ADAM7: variants seen among roughly 807,000 people sequenced by gnomAD.
ADAM7 encodes disintegrin and metalloproteinase domain-containing protein 7.
A neutral mutation model predicts 102.9 loss-of-function variants in ADAM7; 97 were observed. The observed-to-expected ratio is 0.94, with a 90% CI of 0.80 to 1.12. ADAM7 has a LOEUF of 1.12. Ranked by LOEUF, ADAM7 falls within the 50% of genes most tolerant of loss-of-function variation. The probability of loss-of-function intolerance (pLI) is 0.00; values close to 1 mark genes in which losing one functional copy is unlikely to be tolerated. For synonymous variants in ADAM7, 334 were observed against 304.4 expected, an observed-to-expected ratio of 1.10 and a Z score of -1.01; for missense variants, 991 against 908.7, an observed-to-expected ratio of 1.09 and a Z score of -1.16.
intron 16 of ADAM7, among the ~76,000 whole-genome samples, chr8:24,498,032 T>C (rs116258808): frequency 0.014 from 2,124 of 152,070 alleles, 53 homozygotes; most frequent in African/African-American, 0.049. Context: ...TTGTAATATA[T>C]AGACTGCACC....
chr8:24,485,852 T>C, intron 10 of ADAM7, among the ~76,000 whole-genome samples: 1 of 152,174 alleles, frequency 6.6e-6, no homozygotes, highest in African/African-American at 2.4e-5. Context: ...TCTAAGCTTC[T>C]AGTAAATGTT....
chr8:24,488,401 C>T (rs1015269468), intron 11 of ADAM7, among the ~76,000 whole-genome samples: 3 of 152,124 alleles, frequency 2.0e-5, no homozygotes, highest in Admixed American at 6.6e-5. Flanking sequence ...AGAAAAGTTT[C>T]GTGGTGATCA....
chr8:24,452,211 C>G (rs1290213543), intron 3 of ADAM7, among the ~76,000 whole-genome samples: 1 of 150,820 alleles, frequency 6.6e-6, no homozygotes, highest in African/African-American at 2.4e-5. Flanking sequence ...TCCTTGTTAA[C>G]TTTCTGTCTC....
intron 8 of ADAM7, among the ~76,000 whole-genome samples, chr8:24,478,420 G>A (rs968719407): frequency 6.6e-6 from 1 of 152,152 alleles, no homozygotes; most frequent in Non-Finnish European, 1.5e-5. Flanking sequence ...CCCACAGTAA[G>A]TTCACTGTTA....
chr8:24,472,122 C>CAAAA (rs55708871), intron 7 of ADAM7, among the ~76,000 whole-genome samples: 1 of 102,772 alleles, frequency 9.7e-6, no homozygotes, highest in East Asian at 2.7e-4. Context: ...AAAAAGATAA[C>CAAAA]AAAAAAAAAA....
chr8:24,502,800 A>G (rs1307871086), intron 20 of ADAM7, among the ~76,000 whole-genome samples: 1 of 152,168 alleles, frequency 6.6e-6, no homozygotes, highest in Non-Finnish European at 1.5e-5. Flanking sequence ...AAATTCATGA[A>G]TGCATAACAC....
At chr8:24,505,041 G>T (rs893052004) in intron 20 of ADAM7, among the ~76,000 whole-genome samples, 1 of 151,992 alleles carries the variant, frequency 6.6e-6, no homozygotes, top group African/African-American at 2.4e-5. Flanking sequence ...TCATTCATTT[G>T]TCTTGAGGTT....
At position 24,465,719 on chromosome 8, in the gene ADAM7, A is replaced by C. The variant is rs373237334; in HGVS notation, c.333A>C (p.Gly111=). 2 of 1,608,308 alleles carry C rather than the reference A, an allele frequency of 1.2e-6. No homozygotes were observed. The highest frequency in any genetic ancestry group is 2.7e-5 in the African/African-American group (2 of 74,752). The change falls in exon 5 of 22, where the codon GGA becomes GGC. Residue 111 remains glycine, a synonymous_variant. Transcript: ENST00000175238. The stretch of plus-strand genomic sequence containing the variant: ...TTTAGGATCATTGTTTTTACCAAGG[A>C]TCCATAGTACACGAATATGATTCAG... ...PQIMDHCFYQ[G]SIVHEYDSAA...
intron 3 of ADAM7, among the ~76,000 whole-genome samples, chr8:24,454,817 G>A (rs1818966958): frequency 6.6e-6 from 1 of 151,992 alleles, no homozygotes; most frequent in Admixed American, 6.6e-5. Context: ...CCCTCAGCTT[G>A]GTTTTAATAA....
In ADAM7 at chr8:24,447,277, G is replaced by A. The variant is rs1818596457; in HGVS notation, c.233+15G>A. ...CTAAGATCCAGGTAAGTTCTATTGT[G>A]ATTCCAGTACCTTATAGATTTTAGT... On this transcript the variant is annotated intron_variant, in intron 3 of 21. Transcript: ENST00000175238. 1.4e-6 allele frequency: 2 copies of A among 1,440,710 alleles called. No homozygotes were observed. Among genetic ancestry groups the A allele is most frequent in the Non-Finnish European group, 1.9e-6 (2 of 1,054,326 alleles). The allele number at this position is 1,440,710 out of a possible 1,614,324, so 89.2% of individuals were successfully genotyped here.
chr8:24,475,514 A>C (rs1331251369), intron 7 of ADAM7, among the ~76,000 whole-genome samples: 1 of 151,480 alleles, frequency 6.6e-6, no homozygotes, highest in Non-Finnish European at 1.5e-5. Flanking sequence ...TTTGATAATT[A>C]AGAGAATATT....
chr8:24,504,453 A>G (rs1820880144), intron 20 of ADAM7, among the ~76,000 whole-genome samples: 1 of 152,072 alleles, frequency 6.6e-6, no homozygotes, highest in African/African-American at 2.4e-5. Context: ...TAAAAAAAAA[A>G]ATAGCTGATG....
At chr8:24,474,046 C>A (rs746821994) in intron 7 of ADAM7, among the ~76,000 whole-genome samples, 1 of 152,050 alleles carries the variant, frequency 6.6e-6, no homozygotes, top group Non-Finnish European at 1.5e-5. Context: ...CAGTTTTCCT[C>A]CAAAATTGGG....
intron 4 of ADAM7, among the ~76,000 whole-genome samples, chr8:24,464,311 A>G (rs1458459689): frequency 2.7e-5 from 4 of 148,378 alleles, no homozygotes; most frequent in Admixed American, 1.3e-4. Flanking sequence ...ATCTGAAGCT[A>G]TGAAACAACT....
chr8:24,487,635 CAA>C (rs796115019), intron 11 of ADAM7, among the ~76,000 whole-genome samples: 2 of 102,104 alleles, frequency 2.0e-5, no homozygotes, highest in Non-Finnish European at 2.1e-5. Context: ...AACTCCATCT[CAA>C]AAAAAAAAAG....
chr8:24,509,311 G>A lies in ADAM7; in HGVS notation c.*765G>A. On this transcript the variant is annotated 3_prime_UTR_variant, in exon 22 of 22. Coordinates refer to ENST00000175238, the MANE Select transcript of ADAM7 (RefSeq NM_003817.4). ...TCTTTGTCCTGTGCAATTTGACAAT[G>A]TGCCATTTCTGTGCTGTCTCTGCCC... 5 of 985,400 alleles carry A rather than the reference G, an allele frequency of 5.1e-6. No individual in the cohort carries two copies. Among genetic ancestry groups the A allele is most frequent in the Non-Finnish European group, 4.8e-6 (4 of 829,946 alleles). 61.0% of individuals were successfully genotyped at this position (985,400 alleles called of 1,614,324 possible).
chr8:24,468,165 T>C (rs1819491539), intron 6 of ADAM7, among the ~76,000 whole-genome samples: 1 of 152,106 alleles, frequency 6.6e-6, no homozygotes, highest in African/African-American at 2.4e-5. Context: ...ATTAGAAAGT[T>C]GGGAAGCAGG....
At chr8:24,481,500 C>A (rs1819950543) in intron 8 of ADAM7, among the ~76,000 whole-genome samples, 1 of 152,074 alleles carries the variant, frequency 6.6e-6, no homozygotes, top group Non-Finnish European at 1.5e-5. Context: ...TCAAAATTCC[C>A]ATAATAACTG....
intron 2 of ADAM7, among the ~76,000 whole-genome samples, chr8:24,446,267 CTAAA>C (rs1424959680): frequency 1.3e-5 from 2 of 152,036 alleles, no homozygotes; most frequent in African/African-American, 2.4e-5. Flanking sequence ...CTACAAATAA[CTAAA>C]TAAATAAAGG....
Sources: gnomAD v4.1 joint callset for allele counts (sites outside exome capture counted in the v4.1 genomes callset) on GRCh38, gnomAD v4.1.1 for gene constraint, MANE v1.5 for transcripts, NCBI Gene and HGNC (gene_info 2026-07-23, HGNC 2026-07-21) for gene names.